DCDC1: variants seen among roughly 807,000 people sequenced by gnomAD.
DCDC1 encodes the protein doublecortin domain-containing protein 1.
A neutral mutation model predicts 178.3 loss-of-function variants in DCDC1; 200 were observed. The observed-to-expected ratio is 1.12, with a 90% CI of 1.00 to 1.26. The LOEUF (loss-of-function observed/expected upper bound fraction) is 1.26, where lower values mean the gene tolerates loss of function less well. DCDC1 is among the 50% of genes most tolerant of loss of function. The probability of loss-of-function intolerance (pLI) is 0.00; values close to 1 mark genes in which losing one functional copy is unlikely to be tolerated. For missense variants in DCDC1, 1,983 were observed against 1,749.2 expected (o/e 1.13, Z -2.38); for synonymous variants, 690 against 604.8 (o/e 1.14, Z -2.07).
At chr11:31,042,246 G>A (rs1368130231) in intron 20 of DCDC1, among the ~76,000 whole-genome samples, 1 of 152,190 alleles carries the variant, frequency 6.6e-6, no homozygotes, top group Non-Finnish European at 1.5e-5. Context: ...CCTGCAATTT[G>A]AGGAGAGAGG....
chr11:31,184,322 C>T (rs749390160), intron 9 of DCDC1, among the ~76,000 whole-genome samples: 1 of 152,046 alleles, frequency 6.6e-6, no homozygotes, highest in African/African-American at 2.4e-5. Context: ...TAAGACCTAA[C>T]ACCATGAAAA....
intron 9 of DCDC1, among the ~76,000 whole-genome samples, chr11:31,171,144 A>AT (rs1338291243): frequency 6.6e-6 from 1 of 152,118 alleles, no homozygotes; most frequent in East Asian, 1.9e-4. Flanking sequence ...CAGCATTTTG[A>AT]TGTGACAGTT....
chr11:31,307,235 T>A (rs941509977), intron 4 of DCDC1, among the ~76,000 whole-genome samples: 1 of 152,270 alleles, frequency 6.6e-6, no homozygotes, highest in African/African-American at 2.4e-5. Flanking sequence ...TAACAGTTTA[T>A]GATAACAATT....
At chr11:30,964,376 C>G (rs926476760) in intron 20 of DCDC1, among the ~76,000 whole-genome samples, 1 of 152,124 alleles carries the variant, frequency 6.6e-6, no homozygotes, top group Middle Eastern at 3.2e-3. Context: ...TAATATCCTT[C>G]CCCTCAAGAA....
intron 7 of DCDC1, among the ~76,000 whole-genome samples, chr11:31,268,916 T>C (rs1469567447): frequency 6.6e-6 from 1 of 152,220 alleles, no homozygotes; most frequent in Admixed American, 6.5e-5. Flanking sequence ...ACATTCTGAC[T>C]GGTTACAACA....
In DCDC1 at chr11:31,313,694, T is replaced by C. The variant is rs910093319; in HGVS notation, c.165-5786A>G. Among the ~76,000 whole-genome samples, 3 of 152,236 alleles carry C rather than the reference T, an allele frequency of 2.0e-5. No individual in the cohort carries two copies. In the South Asian group the frequency reaches 6.2e-4, roughly 32 times the overall value. ...TGATACTAAATTTAATTTAGTGCTG[T>C]GGTTATTTTTACTCATTGGCCCATA... On this transcript the variant is annotated intron_variant, in intron 3 of 38. Transcript: ENST00000684477.
At chr11:31,089,409 T>C (rs925384198) in intron 17 of DCDC1, among the ~76,000 whole-genome samples, 8 of 152,162 alleles carry the variant, frequency 5.3e-5, no homozygotes, top group African/African-American at 1.9e-4. Flanking sequence ...TGTGCCTTGG[T>C]TTTGTCTCTT....
intron 3 of DCDC1, chr11:31,314,663 T>C (rs1302456308): frequency 6.6e-6 from 1 of 152,214 alleles, no homozygotes; most frequent in African/African-American, 2.4e-5. Context: ...AGGAATAGCT[T>C]AGCTTTCTAA....
At chr11:31,160,387 T>C (rs570282471) in intron 9 of DCDC1, among the ~76,000 whole-genome samples, 3 of 152,304 alleles carry the variant, frequency 2.0e-5, no homozygotes, top group Admixed American at 2.0e-4. Flanking sequence ...CATTTTAATA[T>C]AAAAACTTTA....
intron 21 of DCDC1, among the ~76,000 whole-genome samples, chr11:30,932,418 G>A (rs554773247): frequency 3.3e-5 from 5 of 152,140 alleles, no homozygotes; most frequent in African/African-American, 1.2e-4. Context: ...CACATTTCAC[G>A]TTTCAGTTGT....
chr11:31,265,289 C>A (rs546186890), intron 8 of DCDC1, among the ~76,000 whole-genome samples: 79 of 151,888 alleles, frequency 5.2e-4, no homozygotes, highest in African/African-American at 1.9e-3. Flanking sequence ...GGTTAAAATA[C>A]CCATCAATTT....
Position 31,307,687 on chromosome 11 carries a change from G to T in DCDC1, c.386C>A (p.Ser129Ter). The change falls in exon 4 of 39, where the codon TCA (serine) becomes TAA (stop). Residue 129 changes from serine to a stop codon, truncating the protein, a stop_gained. Transcript: ENST00000684477. LOFTEE classifies it high-confidence loss of function. The part of the protein sequence containing the change: ...SNSKNNSCSI[S>*]ASKRNRPVSA... ...GACAGGTCTGTTTCTCTTGGATGCT[G>T]ATATAGAACAAGAATTGTTTTTACT... The T allele has an allele frequency of 6.2e-7, 1 of 1,614,056 alleles. No homozygotes were observed. Among genetic ancestry groups the T allele is most frequent in the Non-Finnish European group, 8.5e-7 (1 of 1,179,962 alleles).
At chr11:31,052,840 T>C (rs964938668) in intron 20 of DCDC1, among the ~76,000 whole-genome samples, 2 of 152,062 alleles carry the variant, frequency 1.3e-5, no homozygotes, top group African/African-American at 4.8e-5. Context: ...AAGGCAGTGC[T>C]AAGAGGAAAG....
At chr11:31,220,375 C>T (rs1974118083) in intron 9 of DCDC1, among the ~76,000 whole-genome samples, 1 of 152,124 alleles carries the variant, frequency 6.6e-6, no homozygotes, top group African/African-American at 2.4e-5. Context: ...ACAAAAATTA[C>T]TTTTTGAATT....
intron 1 of DCDC1, among the ~76,000 whole-genome samples, chr11:31,368,070 G>A (rs184454251): frequency 9.9e-5 from 15 of 152,238 alleles, no homozygotes; most frequent in African/African-American, 3.1e-4. Context: ...TCAATTAACC[G>A]TGGAAATGTA....
intron 9 of DCDC1, among the ~76,000 whole-genome samples, chr11:31,204,143 T>C (rs1971611811): frequency 6.6e-6 from 1 of 152,218 alleles, no homozygotes; most frequent in African/African-American, 2.4e-5. Flanking sequence ...ATGCACATAA[T>C]TGGCTCTATG....
intron 20 of DCDC1, among the ~76,000 whole-genome samples, chr11:30,970,163 G>A (rs1476761506): frequency 3.3e-5 from 5 of 152,136 alleles, no homozygotes; most frequent in African/African-American, 1.2e-4. Context: ...ATAGACTCCT[G>A]TAGTTGGAGC....
At chr11:31,265,783 G>A (rs559229826) in intron 7 of DCDC1, among the ~76,000 whole-genome samples, 183 bp from the exon 8 acceptor site, 2 of 150,694 alleles carry the variant, frequency 1.3e-5, no homozygotes, top group East Asian at 3.9e-4. Context: ...GTACTTGCAT[G>A]TGTGTAAAAA....
chr11:31,112,947 C>T (rs928857279), intron 11 of DCDC1, among the ~76,000 whole-genome samples: 1 of 152,110 alleles, frequency 6.6e-6, no homozygotes, highest in African/African-American at 2.4e-5. Context: ...TTACCCTGTG[C>T]TGGACTAGAG....
Sources: gnomAD v4.1 joint callset for allele counts (sites outside exome capture counted in the v4.1 genomes callset) on GRCh38, gnomAD v4.1.1 for gene constraint, MANE v1.5 for transcripts, NCBI Gene and HGNC (gene_info 2026-07-23, HGNC 2026-07-21) for gene names.